ABCA10: variants seen among roughly 807,000 people sequenced by gnomAD.
ABCA10 encodes the protein ATP-binding cassette sub-family A member 10.
ABCA10 carries 169 observed loss-of-function variants against 187.5 expected under a neutral mutation model. That is an observed-to-expected ratio of 0.90 (90% CI 0.80 to 1.02). The LOEUF (loss-of-function observed/expected upper bound fraction) is 1.02, where lower values mean the gene tolerates loss of function less well. Ranked by LOEUF, ABCA10 falls within the 50% of genes least tolerant of loss-of-function variation. The probability of loss-of-function intolerance (pLI) is 0.00; values close to 1 mark genes in which losing one functional copy is unlikely to be tolerated. For missense variants in ABCA10, 1,727 were observed against 1,812.4 expected, an observed-to-expected ratio of 0.95 and a Z score of 0.86; for synonymous variants, 574 against 601.8, an observed-to-expected ratio of 0.95 and a Z score of 0.68.
Position 69,164,076 on chromosome 17 carries a change from T to C in ABCA10, c.3361A>G (p.Ile1121Val), listed in dbSNP as rs753945392. Residue 1121 changes from isoleucine (I) to valine (V), a missense_variant and splice_region_variant, in exon 27 of 39, where the codon ATA (isoleucine) becomes GTA (valine). Physicochemically the swap from Ile to Val is conservative, Grantham distance 29. Transcript: ENST00000690296. ...VNKTILLTTL[I>V]PYLQSVIFLF... ...TTTAGGTAGAAAATGTTCCTTACTATTAAGGTTGTTAAAAGAATGGTTTTA... is the reference window on the plus strand; with the variant it reads ...TTTAGGTAGAAAATGTTCCTTACTACTAAGGTTGTTAAAAGAATGGTTTTA... 7 of 1,569,610 alleles carry C rather than the reference T, an allele frequency of 4.5e-6. No homozygotes were observed. The Admixed American group carries it at 7.9e-5, about 18-fold the overall frequency.
rs376980803 is a variant in ABCA10, at chr17:69,214,444, G to A, written c.1006+260C>T. On this transcript the variant is annotated intron_variant, in intron 9 of 38. Transcript: ENST00000690296. The stretch of plus-strand genomic sequence containing the variant: ...GCAGGAGAATGGCGTGAACCCGGGA[G>A]GCGGAGCTTGCAGTGAGCCGAGATC... 1.7e-3 allele frequency among the ~76,000 whole-genome samples: 258 copies of A among 151,116 alleles called. 1 individual carries two copies. The highest frequency in any genetic ancestry group is 6.1e-3 in the African/African-American group (251 of 41,258).
At chr17:69,173,996 G>C (rs1293056185) in intron 25 of ABCA10, among the ~76,000 whole-genome samples, 1 of 151,966 alleles carries the variant, frequency 6.6e-6, no homozygotes, top group Non-Finnish European at 1.5e-5. Context: ...GAATGATCTA[G>C]TCTTTCAGCT....
intron 1 of ABCA10, among the ~76,000 whole-genome samples, chr17:69,238,077 G>A (rs995428660): frequency 2.6e-5 from 4 of 151,668 alleles, no homozygotes; most frequent in East Asian, 1.9e-4. Flanking sequence ...CAAGAGAATC[G>A]CTTGAACCCG....
chr17:69,238,564 G>A (rs2074886056), intron 1 of ABCA10, among the ~76,000 whole-genome samples: 1 of 152,176 alleles, frequency 6.6e-6, no homozygotes, highest in Non-Finnish European at 1.5e-5. Context: ...CTCTTACTCT[G>A]TCAGAGAGGG....
At chr17:69,229,896 C>T (rs1045490132), upstream of ABCA10, among the ~76,000 whole-genome samples, 1 of 152,028 alleles carries the variant, frequency 6.6e-6, no homozygotes, top group Non-Finnish European at 1.5e-5. Context: ...ATAATACAGA[C>T]ATACACCCTT....
At chr17:69,180,402 C>T (rs2074370954) in intron 22 of ABCA10, among the ~76,000 whole-genome samples, 1 of 152,084 alleles carries the variant, frequency 6.6e-6, no homozygotes, top group Admixed American at 6.6e-5. Context: ...CAATGACAAA[C>T]TGAGTCTGAA....
At chr17:69,191,441 G>A (rs1315429675) in intron 16 of ABCA10, 126 bp from the exon 17 acceptor site, 3 of 1,011,826 alleles carry the variant, frequency 3.0e-6, no homozygotes, top group African/African-American at 1.7e-5. Context: ...CTAGTAATTG[G>A]TTCCTGCAAA....
intron 25 of ABCA10, 24 bp downstream of exon 25, chr17:69,174,257 G>A (rs765038616): frequency 2.7e-6 from 4 of 1,464,552 alleles, no homozygotes; most frequent in Non-Finnish European, 2.8e-6. Flanking sequence ...TAATATAAAT[G>A]TGCACGCATG....
At chr17:69,164,241 G>T in intron 26 of ABCA10, 87 bp from the exon 27 acceptor site, 1 of 1,068,416 alleles carries the variant, frequency 9.4e-7, no homozygotes, top group Non-Finnish European at 1.3e-6. Context: ...TATACTTGAT[G>T]TTCTATGGGA....
intron 9 of ABCA10, among the ~76,000 whole-genome samples, chr17:69,211,304 T>TATATA (rs2074648299): frequency 7.0e-5 from 4 of 57,488 alleles, no homozygotes; most frequent in African/African-American, 1.6e-4. Flanking sequence ...TATATATACA[T>TATATA]CATATATATG....
intron 3 of ABCA10, among the ~76,000 whole-genome samples, chr17:69,224,384 TAAC>T (rs2074775835): frequency 6.6e-6 from 1 of 152,106 alleles, no homozygotes; most frequent in Non-Finnish European, 1.5e-5. Flanking sequence ...GAATGAGGGC[TAAC>T]AACAAGAGAA....
Position 69,176,334 on chromosome 17 carries a change from T to C in ABCA10, c.2770-821A>G, listed in dbSNP as rs192894123. Among the ~76,000 whole-genome samples the C allele has an allele frequency of 3.2e-3, 493 of 152,282 alleles. 3 individuals carry two copies. The highest frequency in any genetic ancestry group is 0.011 in the African/African-American group (474 of 41,578). On this transcript the variant is annotated intron_variant, in intron 22 of 38. Transcript: ENST00000690296. Reference sequence around the variant, plus strand: ...CTACATAATTTGACTTCTAAAATTGTTTAAATTAAACAATTGTCAAGGCAT... The same window carrying C: ...CTACATAATTTGACTTCTAAAATTGCTTAAATTAAACAATTGTCAAGGCAT...
chr17:69,187,727 G>A lies in ABCA10; in HGVS notation c.2284C>T (p.Leu762Phe). Residue 762 changes from leucine to phenylalanine, a missense_variant, in exon 19 of 39, where the codon CTT (leucine) becomes TTT (phenylalanine). Physicochemically the swap from Leu to Phe is conservative, Grantham distance 22. Transcript: ENST00000690296. The stretch of plus-strand genomic sequence containing the variant: ...TCACGCCTTAACTTTAAGAAGCGAA[G>A]TGTTGCCACTGCATAGATTTGTCGT... Reference protein sequence around the residue: ...WRRQIYAVATLRFLKLRRERR... With the variant: ...WRRQIYAVATFRFLKLRRERR... The A allele has an allele frequency of 6.2e-7, 1 of 1,613,844 alleles. No individual in the cohort carries two copies. The highest frequency in any genetic ancestry group is 1.6e-4 in the Middle Eastern group (1 of 6,062).
At chr17:69,230,093 T>C (rs144293806), upstream of ABCA10, among the ~76,000 whole-genome samples, 201 of 152,182 alleles carry the variant, frequency 1.3e-3, 2 homozygotes, top group African/African-American at 4.6e-3. Flanking sequence ...ATCTTGGGAA[T>C]GGGCTCCTGA....
In ABCA10 at chr17:69,214,728, A is replaced by G. The variant is rs1332490560; in HGVS notation, c.982T>C (p.Leu328=). ...FDTLFYLIFT[L]YFERVLPDKD... is the part of the protein sequence containing the mutation. ...CCAGGTAAAACTCGCTCAAAATATA[A>G]TGTGAATATCAAATAGAAAAGAGTA... The change falls in exon 9 of 39, where the codon TTA becomes CTA. Residue 328 remains leucine, a synonymous_variant. Transcript: ENST00000690296. 1 of 1,513,614 alleles carries G rather than the reference A, an allele frequency of 6.6e-7. No homozygotes were observed. The allele number at this position is 1,513,614 out of a possible 1,614,324, so 93.8% of individuals were successfully genotyped here.
chr17:69,192,414 G>GTTAA, intron 16 of ABCA10, 149 bp downstream of exon 16: 2 of 609,540 alleles, frequency 3.3e-6, no homozygotes, highest in Non-Finnish European at 5.6e-6. Flanking sequence ...GAAAGGAAAT[G>GTTAA]TTAATGAGGA....
intron 10 of ABCA10, among the ~76,000 whole-genome samples, chr17:69,200,182 C>G (rs1166086339): frequency 6.6e-6 from 1 of 152,150 alleles, no homozygotes; most frequent in Non-Finnish European, 1.5e-5. Flanking sequence ...ATATTCCTAA[C>G]AGCTAATATT....
At chr17:69,203,999 C>T (rs1015586362) in intron 9 of ABCA10, among the ~76,000 whole-genome samples, 1 of 152,290 alleles carries the variant, frequency 6.6e-6, no homozygotes, top group East Asian at 1.9e-4. Flanking sequence ...CAGATCATCA[C>T]CAATACTTGA....
chr17:69,219,953 T>C (rs964733316), intron 5 of ABCA10, among the ~76,000 whole-genome samples, 182 bp from the exon 6 acceptor site: 2 of 152,224 alleles, frequency 1.3e-5, no homozygotes, highest in Admixed American at 6.5e-5. Flanking sequence ...TAAGAGTCAT[T>C]TGAGAAATTA....
Sources: gnomAD v4.1 joint callset for allele counts (sites outside exome capture counted in the v4.1 genomes callset) on GRCh38, gnomAD v4.1.1 for gene constraint, MANE v1.5 for transcripts, NCBI Gene and HGNC (gene_info 2026-07-23, HGNC 2026-07-21) for gene names.